The following SLC5A10 variants were observed in gnomAD, a reference collection of about 807,000 sequenced individuals.
SLC5A10 encodes solute carrier family 5 member 10.
In SLC5A10, 55 loss-of-function variants were observed where a neutral mutation model predicts 68.9. The observed-to-expected ratio is 0.80, with a 90% CI of 0.64 to 1.00. SLC5A10 has a LOEUF of 1.00. SLC5A10 is among the 50% of genes least tolerant of loss of function. SLC5A10 has a pLI of 0.00. For synonymous variants in SLC5A10, 344 were observed against 344.8 expected (o/e 1.00, Z 0.02); for missense variants, 732 against 819.3 (o/e 0.89, Z 1.30).
chr17:19,013,550 G>A (rs371680153), intron 10 of SLC5A10, 33 bp downstream of exon 10: 33 of 1,408,134 alleles, frequency 2.3e-5, no homozygotes, highest in Non-Finnish European at 2.8e-6. Context: ...CTGGGTGGAG[G>A]GCGTGGGGTT....
chr17:18,969,063 C>T lies in SLC5A10; in HGVS notation c.465C>T (p.Tyr155=), dbSNP rs113107005. The T allele has an allele frequency of 2.7e-5, 43 of 1,613,634 alleles. No individual in the cohort carries two copies. The highest frequency in any genetic ancestry group is 1.7e-4 in the Middle Eastern group (1 of 6,050). ...CTCTCCCTCCGCAGCTGGACCTGTA[C>T]GCGGGGGCTCTGTTTGTGCACATCT... ...SVFTKISLDL[Y]AGALFVHICL... The change falls in exon 6 of 15, where the codon TAC becomes TAT. Residue 155 remains tyrosine (Y), a synonymous_variant. Transcript: ENST00000395645.
intron 5 of SLC5A10, among the ~76,000 whole-genome samples, chr17:18,966,863 A>AG (rs2042720828): frequency 6.6e-6 from 1 of 150,772 alleles, no homozygotes; most frequent in Admixed American, 6.6e-5. Context: ...TGCCAGGGTG[A>AG]GGGGGTAGAG....
At chr17:18,953,136 T>TA (rs2042408764) in intron 1 of SLC5A10, among the ~76,000 whole-genome samples, 1 of 149,724 alleles carries the variant, frequency 6.7e-6, no homozygotes, top group Admixed American at 6.6e-5. Flanking sequence ...TTCTTTTTTT[T>TA]TTTTTTTTTT....
chr17:19,010,643 C>T (rs1319609780), intron 9 of SLC5A10, among the ~76,000 whole-genome samples: 1 of 101,168 alleles, frequency 9.9e-6, no homozygotes, highest in Non-Finnish European at 2.6e-5. Flanking sequence ...TCTCCTGACT[C>T]GGGCTTTCTG....
At position 18,968,869 on chromosome 17, in the gene SLC5A10, C is replaced by T. The variant is rs571458369; in HGVS notation, c.454-183C>T. 1.8e-4 allele frequency: 106 copies of T among 595,992 alleles called. 2 individuals are homozygous for T. The highest frequency in any genetic ancestry group is 1.6e-3 in the African/African-American group (87 of 53,704). 36.9% of individuals were successfully genotyped at this position (595,992 alleles called of 1,614,324 possible). On this transcript the variant is annotated intron_variant, in intron 5 of 14. Coordinates refer to ENST00000395645, the MANE Select transcript of SLC5A10 (RefSeq NM_001042450.4). This position sits in a 1 kb window ranked among gnomAD's most constrained non-coding sequence, Gnocchi z 4.1. ...ACATCCGCACAAGCTTGTAGCTCCA[C>T]GGCCAGGTCTTCCCCCAACCTCACA...
At chr17:19,005,655 C>T (rs185868539) in intron 9 of SLC5A10, among the ~76,000 whole-genome samples, 2 of 151,966 alleles carry the variant, frequency 1.3e-5, no homozygotes, top group East Asian at 1.9e-4. Flanking sequence ...AAACCCCCCC[C>T]CTCCAAGGCC....
intron 9 of SLC5A10, chr17:18,978,117 C>T: frequency 1.3e-6 from 2 of 1,518,156 alleles, no homozygotes; most frequent in South Asian, 1.3e-5. Flanking sequence ...CTGTCCCGGG[C>T]TAGTACATCT....
chr17:19,002,798 G>C (rs550441017), intron 9 of SLC5A10, among the ~76,000 whole-genome samples: 1 of 152,300 alleles, frequency 6.6e-6, no homozygotes, highest in South Asian at 2.1e-4. Flanking sequence ...CACAGCTAGG[G>C]CACTGCATAG....
intron 5 of SLC5A10, among the ~76,000 whole-genome samples, chr17:18,963,854 C>T (rs1005378499): frequency 3.3e-5 from 5 of 152,354 alleles, no homozygotes; most frequent in Admixed American, 6.5e-5. Flanking sequence ...TGGAACTGGG[C>T]ACGATGCCCC....
intron 8 of SLC5A10, among the ~76,000 whole-genome samples, chr17:18,973,638 C>CA (rs2042908623): frequency 6.6e-6 from 1 of 152,188 alleles, no homozygotes; most frequent in Admixed American, 6.5e-5. Context: ...GGGTAGCCCT[C>CA]AAAGATAGCC....
chr17:18,954,943 A>G (rs1729477159), intron 1 of SLC5A10, among the ~76,000 whole-genome samples: 1 of 151,992 alleles, frequency 6.6e-6, no homozygotes, highest in Non-Finnish European at 1.5e-5. Context: ...AAAATTAGCC[A>G]GGCGTGGTGC....
chr17:19,017,207 C>G lies in SLC5A10; in HGVS notation c.1241+2008C>G. Reference sequence around the variant, plus strand: ...CCTCTCTGGGCCCCAGTTCTCTCAGCTGCCAGCTGGATAGAGCAGAAAGGG... The same window carrying G: ...CCTCTCTGGGCCCCAGTTCTCTCAGGTGCCAGCTGGATAGAGCAGAAAGGG... On this transcript the variant is annotated intron_variant, in intron 11 of 14. Transcript: ENST00000395645. The surrounding 1 kb of genome is among the most constrained non-coding windows in gnomAD (Gnocchi z 5.6). 1 of 1,337,994 alleles carries G rather than the reference C, an allele frequency of 7.5e-7. No homozygotes were observed. The allele number at this position is 1,337,994 out of a possible 1,614,324, so 82.9% of individuals were successfully genotyped here.
chr17:18,965,213 A>G (rs1051949885), intron 5 of SLC5A10, among the ~76,000 whole-genome samples: 4 of 151,278 alleles, frequency 2.6e-5, no homozygotes, highest in African/African-American at 4.9e-5. Context: ...GGTTTTGGGG[A>G]GTGGGTGTGT....
chr17:18,967,112 T>A (rs2042725769), intron 5 of SLC5A10, among the ~76,000 whole-genome samples: 1 of 151,916 alleles, frequency 6.6e-6, no homozygotes, highest in South Asian at 2.1e-4. Context: ...GCAGGAAGGG[T>A]CGGATAGGGC....
intron 9 of SLC5A10, among the ~76,000 whole-genome samples, chr17:18,997,854 T>C (rs73981278): frequency 0.069 from 10,480 of 151,968 alleles, 654 homozygotes; most frequent in South Asian, 0.31. Flanking sequence ...GCCAGCTCCA[T>C]GCCAGACACA....
intron 9 of SLC5A10, chr17:18,979,048 T>C (rs1323819073): frequency 8.1e-6 from 5 of 614,548 alleles, no homozygotes; most frequent in Non-Finnish European, 1.1e-5. Flanking sequence ...ACCAAGCCCA[T>C]TCCCACCTCT....
intron 9 of SLC5A10, among the ~76,000 whole-genome samples, chr17:18,981,267 G>A (rs2043125627): frequency 6.6e-6 from 1 of 152,082 alleles, no homozygotes; most frequent in Non-Finnish European, 1.5e-5. Context: ...GCATTCCAGG[G>A]AAGGGACTCA....
At position 19,022,561 on chromosome 17, in the gene SLC5A10, G is replaced by A. The variant is rs990804502; in HGVS notation, c.*2130G>A. 5 of 170,502 alleles carry A rather than the reference G, an allele frequency of 2.9e-5. No individual in the cohort carries two copies. The highest frequency in any genetic ancestry group is 4.7e-5 in the African/African-American group (2 of 42,238). The allele number at this position is 170,502 out of a possible 1,614,324, so 10.6% of individuals were successfully genotyped here. A position where few individuals can be genotyped will look rare whatever the true frequency, so the allele number is the denominator to read the frequency against. Reference sequence around the variant, plus strand: ...TGGGCCTTATAAACTGTAAAGTGACGTGCAGCTAAGAGTCGTGTTTATTGC... The same window carrying A: ...TGGGCCTTATAAACTGTAAAGTGACATGCAGCTAAGAGTCGTGTTTATTGC... On this transcript the variant is annotated 3_prime_UTR_variant, in exon 15 of 15. Transcript: ENST00000395645.
chr17:18,988,382 G>A (rs766212172), intron 9 of SLC5A10: 48 of 1,614,060 alleles, frequency 3.0e-5, no homozygotes, highest in Admixed American at 1.0e-4. Flanking sequence ...AGATGTCCAC[G>A]TCGGTGAACA....
Sources: gnomAD v4.1 joint callset for allele counts (sites outside exome capture counted in the v4.1 genomes callset) on GRCh38, gnomAD v4.1.1 for gene constraint, Gnocchi (gnomAD v3.1) non-coding constraint, MANE v1.5 for transcripts, NCBI Gene and HGNC (gene_info 2026-07-23, HGNC 2026-07-21) for gene names.